Variants in CDKL5 observed in about 807,000 individuals in gnomAD.
The protein encoded by CDKL5 is cyclin-dependent kinase-like 5.
A neutral mutation model predicts 61.7 loss-of-function variants in CDKL5; 8 were observed. That is an observed-to-expected ratio of 0.13 (90% confidence interval 0.08 to 0.23). The LOEUF is 0.23. Among genes scored for constraint, CDKL5 ranks in the 10% least tolerant of loss-of-function variants. CDKL5 has a pLI of 1.00. For missense variants in CDKL5, 440 were observed against 734.5 expected (o/e 0.60, Z 4.63); for synonymous variants, 275 against 272.3 (o/e 1.01, Z -0.10).
chrX:18,499,988 A>T (rs1426984304), intron 1 of CDKL5, among the ~76,000 whole-genome samples: 1 of 111,554 alleles, frequency 9.0e-6, no homozygotes, highest in African/African-American at 3.3e-5. Context: ...AATCCAAAGT[A>T]CATTTAAAGA....
At chrX:18,601,918 A>G (rs762837626) in intron 11 of CDKL5, among the ~76,000 whole-genome samples, 4 of 111,310 alleles carry the variant, frequency 3.6e-5, no homozygotes, top group African/African-American at 3.3e-5. Context: ...TACGATTACT[A>G]TTTCTAGGCC....
intron 21 of CDKL5, among the ~76,000 whole-genome samples, chrX:18,652,040 C>T (rs1313839587): frequency 2.7e-5 from 3 of 110,577 alleles, no homozygotes; most frequent in Non-Finnish European, 1.9e-5. Context: ...GCACCCTTCA[C>T]ACCTGTCACG....
chrX:18,529,201 T>C (rs1923555384), intron 3 of CDKL5, among the ~76,000 whole-genome samples: 1 of 106,237 alleles, frequency 9.4e-6, no homozygotes. Context: ...TTTTTTTCGG[T>C]CATTGCCCTA....
intron 1 of CDKL5, among the ~76,000 whole-genome samples, chrX:18,458,959 T>C (rs1602203103): frequency 8.9e-6 from 1 of 112,220 alleles, no homozygotes; most frequent in East Asian, 2.8e-4. Flanking sequence ...TTATTACCTG[T>C]ATTTCCTTCC....
At chrX:18,583,029 A>G (rs1925531541) in intron 7 of CDKL5, among the ~76,000 whole-genome samples, 1 of 112,196 alleles carries the variant, frequency 8.9e-6, no homozygotes, top group Non-Finnish European at 1.9e-5. Flanking sequence ...TGGATCTGAA[A>G]GATTTTAATT....
intron 10 of CDKL5, among the ~76,000 whole-genome samples, chrX:18,597,653 A>G (rs1602282088): frequency 1.0e-5 from 1 of 97,498 alleles, no homozygotes; most frequent in African/African-American, 3.9e-5. Context: ...CTGGAGTGCA[A>G]TGGTGTGATC....
At chrX:18,468,978 A>G (rs1920990922) in intron 1 of CDKL5, among the ~76,000 whole-genome samples, 1 of 111,744 alleles carries the variant, frequency 8.9e-6, no homozygotes, top group Non-Finnish European at 1.9e-5. Context: ...ACGAAAATGT[A>G]TATTAGACTT....
intron 8 of CDKL5, chrX:18,587,581 G>T: frequency 5.2e-6 from 1 of 191,583 alleles, no homozygotes; most frequent in South Asian, 8.8e-5. Context: ...GAGAGCTAAA[G>T]GATAATTATT....
chrX:18,530,084 T>C (rs1483720235), intron 3 of CDKL5, among the ~76,000 whole-genome samples: 1 of 109,698 alleles, frequency 9.1e-6, no homozygotes, highest in Non-Finnish European at 1.9e-5. Flanking sequence ...ATCCCAGCAC[T>C]TTGGGAGGCT....
At chrX:18,467,255 G>C (rs777105779) in intron 1 of CDKL5, among the ~76,000 whole-genome samples, 1 of 111,426 alleles carries the variant, frequency 9.0e-6, no homozygotes, top group South Asian at 3.9e-4. Flanking sequence ...TGAGCCCCCA[G>C]GCCAGTCCTG....
intron 1 of CDKL5, among the ~76,000 whole-genome samples, chrX:18,489,712 CAT>C (rs770674765): frequency 9.0e-6 from 1 of 110,696 alleles, no homozygotes; most frequent in Non-Finnish European, 1.9e-5. Context: ...GTACATCTTA[CAT>C]GTATTGATTG....
At chrX:18,598,778 T>C (rs1379803383) in intron 11 of CDKL5, among the ~76,000 whole-genome samples, 165 bp downstream of exon 11, 7 of 111,872 alleles carry the variant, frequency 6.3e-5, no homozygotes, top group Non-Finnish European at 3.8e-5. Flanking sequence ...AATTAAGGAG[T>C]TGTGTGGGTC....
chrX:18,608,687 T>G lies in CDKL5; in HGVS notation c.1945-124T>G, dbSNP rs192913081. ...TTCACTTTTATGGGACTATTTGTAT[T>G]TTAGCCAACTAACATTTTTTATTTT... On this transcript the variant is annotated intron_variant, in intron 12 of 17. Coordinates refer to ENST00000623535, the MANE Select transcript of CDKL5 (RefSeq NM_001323289.2). 1.0e-4 allele frequency: 52 copies of G among 509,830 alleles called. No homozygotes were observed. In the African/African-American group the frequency reaches 1.0e-3, roughly 10 times the overall value. 42.0% of individuals were successfully genotyped at this position (509,830 alleles called of 1,213,427 possible).
chrX:18,629,645 C>G lies in CDKL5; in HGVS notation c.*888C>G. 1.1e-5 allele frequency: 8 copies of G among 754,057 alleles called. No individual in the cohort carries two copies. The highest frequency in any genetic ancestry group is 1.3e-5 in the Non-Finnish European group (8 of 639,294). The allele number at this position is 754,057 out of a possible 1,213,427, so 62.1% of individuals were successfully genotyped here. A position where few individuals can be genotyped will look rare whatever the true frequency, so the allele number is the denominator to read the frequency against. ...ACCTTGCTCAACTTTGAGGCCCCAG[C>G]AGTAGCCTCTAGACATGATCCTTGG... On this transcript the variant is annotated 3_prime_UTR_variant, in exon 18 of 18. Transcript: ENST00000623535.
Position 18,632,341 on chromosome X carries a change from G to A in CDKL5, c.*3584G>A. ...TAGGTGTTGGAGAACTTAAATTCTA[G>A]GTTAGCATCCTTAGAAAATCTTTCA... On this transcript the variant is annotated 3_prime_UTR_variant, in exon 18 of 18. Coordinates refer to ENST00000623535, the MANE Select transcript of CDKL5 (RefSeq NM_001323289.2). 4.0e-6 allele frequency: 3 copies of A among 753,355 alleles called. No individual in the cohort carries two copies. The highest frequency in any genetic ancestry group is 4.7e-6 in the Non-Finnish European group (3 of 638,495). 62.1% of individuals were successfully genotyped at this position (753,355 alleles called of 1,213,427 possible).
At chrX:18,468,032 G>C (rs1438737289) in intron 1 of CDKL5, among the ~76,000 whole-genome samples, 1 of 111,789 alleles carries the variant, frequency 8.9e-6, no homozygotes, top group Non-Finnish European at 1.9e-5. Context: ...TCTTCAACCA[G>C]TCTAGCTGGT....
chrX:18,650,322 G>A, intron 20 of CDKL5: 5 of 897,659 alleles, frequency 5.6e-6, no homozygotes, highest in Non-Finnish European at 8.2e-6. Flanking sequence ...CGCTCTCACT[G>A]TCACCTTGGC....
chrX:18,582,102 T>G (rs1199391149), intron 7 of CDKL5, 152 bp downstream of exon 7: 1 of 485,475 alleles, frequency 2.1e-6, no homozygotes, highest in Non-Finnish European at 3.6e-6. Flanking sequence ...AAAAATTGAT[T>G]GCTGGAGGAG....
intron 1 of CDKL5, among the ~76,000 whole-genome samples, chrX:18,427,770 C>T (rs1931399473): frequency 9.0e-6 from 1 of 111,091 alleles, no homozygotes; most frequent in Non-Finnish European, 1.9e-5. Context: ...TTCCTTTTTT[C>T]CTGGCTCAGT....
Sources: gnomAD v4.1 joint callset for allele counts (sites outside exome capture counted in the v4.1 genomes callset) on GRCh38, gnomAD v4.1.1 for gene constraint, MANE v1.5 for transcripts, NCBI Gene and HGNC (gene_info 2026-07-23, HGNC 2026-07-21) for gene names.